The following ERBB4 variants were observed in gnomAD, a reference collection of about 807,000 sequenced individuals.
ERBB4 encodes receptor tyrosine-protein kinase erbB-4.
A neutral mutation model predicts 158.0 loss-of-function variants in ERBB4; 42 were observed. The ratio of observed to expected loss-of-function variants is 0.27; its 90% CI spans 0.21 to 0.34. ERBB4 has a LOEUF of 0.34. Among genes scored for constraint, ERBB4 ranks in the 10% least tolerant of loss-of-function variants. The pLI, the probability that ERBB4 is intolerant of heterozygous loss-of-function variation, is 1.00. For missense variants in ERBB4, 1,333 were observed against 1,624.1 expected (o/e 0.82, Z 3.08); for synonymous variants, 583 against 558.7 (o/e 1.04, Z -0.61).
chr2:212,145,140 T>C (rs527338012), intron 1 of ERBB4, among the ~76,000 whole-genome samples: 43 of 152,308 alleles, frequency 2.8e-4, no homozygotes, highest in African/African-American at 9.9e-4. Flanking sequence ...CCATTGCCTT[T>C]ACATATTAAG....
At chr2:212,019,118 G>T (rs934869533) in intron 2 of ERBB4, among the ~76,000 whole-genome samples, 1 of 152,232 alleles carries the variant, frequency 6.6e-6, no homozygotes, top group East Asian at 1.9e-4. Flanking sequence ...GCAAAGAGAA[G>T]GGTAGAGGAA....
chr2:211,745,739 A>AAAC (rs2074952094), intron 5 of ERBB4, among the ~76,000 whole-genome samples: 2 of 151,312 alleles, frequency 1.3e-5, no homozygotes, highest in Non-Finnish European at 2.9e-5. Flanking sequence ...ACAAAACAAA[A>AAAC]AAAACCCTTA....
rs367801279 is a variant in ERBB4 at position 211,562,769 on chromosome 2, C to CTTTTTTTTTTTTTTTTTTTT, written c.2302-701_2302-682dup. On this transcript the variant is annotated intron_variant, in intron 19 of 27. Transcript: ENST00000342788. Reference sequence around the variant, plus strand: ...GACTATAAAAATTTGACTACTCCAACTTTTTTTTTTTTTTTTTTTTGAGAC... The same window carrying CTTTTTTTTTTTTTTTTTTTT: ...GACTATAAAAATTTGACTACTCCAACTTTTTTTTTTTTTTTTTTTTTTTTTTTTTTTTTTTTTTTTGAGAC... 3.4e-4 allele frequency among the ~76,000 whole-genome samples: 43 copies of CTTTTTTTTTTTTTTTTTTTT among 125,734 alleles called. 3 individuals carry two copies. Among genetic ancestry groups the CTTTTTTTTTTTTTTTTTTTT allele is most frequent in the Non-Finnish European group, 3.7e-4 (23 of 62,154 alleles). 82.5% of individuals were successfully genotyped at this position (125,734 alleles called of 152,430 possible).
chr2:211,607,812 G>A (rs2069040561), intron 19 of ERBB4, among the ~76,000 whole-genome samples: 1 of 151,028 alleles, frequency 6.6e-6, no homozygotes, highest in Non-Finnish European at 1.5e-5. Context: ...TTCATGAAAA[G>A]CGTTAATGAT....
intron 20 of ERBB4, among the ~76,000 whole-genome samples, chr2:211,550,983 C>T (rs1268462804): frequency 6.6e-6 from 1 of 151,780 alleles, no homozygotes; most frequent in Non-Finnish European, 1.5e-5. Context: ...CTCTGTCGCC[C>T]AGGCTGGAGT....
chr2:212,142,147 C>A (rs1333235805), intron 1 of ERBB4, among the ~76,000 whole-genome samples: 2 of 152,130 alleles, frequency 1.3e-5, no homozygotes, highest in Non-Finnish European at 2.9e-5. Flanking sequence ...CAGTAACAGA[C>A]TAGCATTGAC....
At chr2:211,436,587 T>C (rs1386845203) in intron 20 of ERBB4, among the ~76,000 whole-genome samples, 1 of 152,154 alleles carries the variant, frequency 6.6e-6, no homozygotes, top group Non-Finnish European at 1.5e-5. Flanking sequence ...TTATTACTGC[T>C]CCATGGATAG....
intron 1 of ERBB4, among the ~76,000 whole-genome samples, chr2:212,252,637 G>C (rs2084581558): frequency 1.3e-5 from 2 of 151,882 alleles, no homozygotes. Context: ...ATGTAGCCAG[G>C]GGAAAAATTG....
intron 3 of ERBB4, among the ~76,000 whole-genome samples, chr2:211,814,827 C>T (rs1409693245): frequency 6.6e-6 from 1 of 152,134 alleles, no homozygotes. Context: ...TTGTGAGTGT[C>T]ATAGTACAAT....
At chr2:211,510,654 T>C (rs1193734505) in intron 20 of ERBB4, among the ~76,000 whole-genome samples, 1 of 152,104 alleles carries the variant, frequency 6.6e-6, no homozygotes, top group Non-Finnish European at 1.5e-5. Context: ...TGTTTTCAAT[T>C]ATATATCTCT....
At chr2:212,417,766 T>C (rs898313463) in intron 1 of ERBB4, among the ~76,000 whole-genome samples, 1 of 152,046 alleles carries the variant, frequency 6.6e-6, no homozygotes, top group African/African-American at 2.4e-5. Context: ...AGATCCTTCA[T>C]AAGAAATAAT....
chr2:211,398,211 C>G (rs1445247906), intron 25 of ERBB4, among the ~76,000 whole-genome samples: 4 of 152,124 alleles, frequency 2.6e-5, no homozygotes, highest in Non-Finnish European at 5.9e-5. Context: ...CTCCTTATAG[C>G]TAAGCATCCA....
chr2:211,512,280 G>T (rs771114219), intron 20 of ERBB4, among the ~76,000 whole-genome samples: 1 of 151,934 alleles, frequency 6.6e-6, no homozygotes, highest in African/African-American at 2.4e-5. Flanking sequence ...ATAGACATGC[G>T]GTTTTTCCTT....
chr2:212,311,569 C>A (rs1253991341), intron 1 of ERBB4, among the ~76,000 whole-genome samples: 4 of 150,834 alleles, frequency 2.7e-5, no homozygotes, highest in African/African-American at 9.7e-5. Context: ...GAATTTGTTT[C>A]TTTAAATGCC....
chr2:212,199,909 T>G (rs1451640202), intron 1 of ERBB4, among the ~76,000 whole-genome samples: 2 of 152,150 alleles, frequency 1.3e-5, no homozygotes, highest in Non-Finnish European at 2.9e-5. Flanking sequence ...TATGAAAAGA[T>G]ATTAGTGGAC....
At chr2:212,376,258 T>A (rs182422005) in intron 1 of ERBB4, among the ~76,000 whole-genome samples, 2 of 152,120 alleles carry the variant, frequency 1.3e-5, no homozygotes, top group Admixed American at 1.3e-4. Flanking sequence ...TTTTCCAGTA[T>A]GACCCAGAAG....
chr2:212,414,922 A>G (rs2091609473), intron 1 of ERBB4, among the ~76,000 whole-genome samples: 1 of 152,198 alleles, frequency 6.6e-6, no homozygotes, highest in Non-Finnish European at 1.5e-5. Context: ...ATAAACATTC[A>G]GAGAATTGAA....
intron 1 of ERBB4, among the ~76,000 whole-genome samples, chr2:212,167,183 C>G (rs12611486): frequency 0.21 from 31,461 of 151,808 alleles, 3,589 homozygotes; most frequent in South Asian, 0.34. Flanking sequence ...AAATTTGTAC[C>G]ATCTACCCAT....
intron 1 of ERBB4, among the ~76,000 whole-genome samples, chr2:212,163,521 A>G (rs2081263010): frequency 6.6e-6 from 1 of 152,020 alleles, no homozygotes; most frequent in South Asian, 2.1e-4. Flanking sequence ...AGAACAGGTA[A>G]TGAGAATTCT....
Sources: gnomAD v4.1 joint callset for allele counts (sites outside exome capture counted in the v4.1 genomes callset) on GRCh38, gnomAD v4.1.1 for gene constraint, MANE v1.5 for transcripts, NCBI Gene and HGNC (gene_info 2026-07-23, HGNC 2026-07-21) for gene names.